The following NXPH1 variants were observed in gnomAD, a reference collection of about 807,000 sequenced individuals.
NXPH1 encodes the protein neurexophilin 1, also known as neurexophilin-1.
NXPH1 carries 5 observed loss-of-function variants against 23.7 expected under a neutral mutation model. The observed-to-expected ratio is 0.21, with a 90% CI of 0.11 to 0.44. NXPH1 has a LOEUF of 0.44. Ranked by LOEUF, NXPH1 falls within the 20% of genes least tolerant of loss-of-function variation. The probability of loss-of-function intolerance (pLI) is 0.99; values close to 1 mark genes in which losing one functional copy is unlikely to be tolerated. For synonymous variants in NXPH1, 144 were observed against 122.2 expected (o/e 1.18, Z -1.18); for missense variants, 324 against 321.6 (o/e 1.01, Z -0.06).
chr7:8,585,445 G>A (rs1371389227), intron 2 of NXPH1, among the ~76,000 whole-genome samples: 1 of 152,116 alleles, frequency 6.6e-6, no homozygotes, highest in East Asian at 1.9e-4. Flanking sequence ...AATTCTTTCA[G>A]TGTAACTTGA....
chr7:8,535,709 TG>T (rs1405208028), intron 2 of NXPH1, among the ~76,000 whole-genome samples: 1 of 151,924 alleles, frequency 6.6e-6, no homozygotes, highest in Non-Finnish European at 1.5e-5. Context: ...AGAGAGTGAC[TG>T]GGGTGTTCTT....
At chr7:8,608,704 A>G (rs1388933824) in intron 2 of NXPH1, among the ~76,000 whole-genome samples, 2 of 152,138 alleles carry the variant, frequency 1.3e-5, no homozygotes, top group African/African-American at 4.8e-5. Context: ...AATAACAGAA[A>G]CTACCCCACC....
At chr7:8,659,681 T>C (rs1820640822) in intron 2 of NXPH1, among the ~76,000 whole-genome samples, 1 of 152,140 alleles carries the variant, frequency 6.6e-6, no homozygotes, top group Non-Finnish European at 1.5e-5. Context: ...TGTGTACATA[T>C]GTAACAAACC....
intron 2 of NXPH1, among the ~76,000 whole-genome samples, chr7:8,634,527 T>C (rs893962325): frequency 3.9e-5 from 6 of 152,200 alleles, no homozygotes; most frequent in Non-Finnish European, 5.9e-5. Flanking sequence ...TGTTTTGTTT[T>C]GCTATCATAC....
rs1373747213 is a variant in NXPH1 at position 8,739,207 on chromosome 7, C to T, written c.55-11801C>T. 1.6e-4 allele frequency among the ~76,000 whole-genome samples: 21 copies of T among 133,030 alleles called. No homozygotes were observed. In the East Asian group the frequency reaches 5.2e-3, roughly 33 times the overall value. 87.3% of individuals were successfully genotyped at this position (133,030 alleles called of 152,430 possible). On this transcript the variant is annotated intron_variant, in intron 2 of 2. Coordinates refer to ENST00000405863, the MANE Select transcript of NXPH1 (RefSeq NM_152745.3). Reference sequence around the variant, plus strand: ...AAAAAAAAAAAAAAAAAAAAAAACCCTGCAGCTAGCTCTTTGTCTGCCCAA... The same window carrying T: ...AAAAAAAAAAAAAAAAAAAAAAACCTTGCAGCTAGCTCTTTGTCTGCCCAA...
At position 8,458,953 on chromosome 7, in the gene NXPH1, T is replaced by C. The variant is rs138556649; in HGVS notation, c.54+23186T>C. Among the ~76,000 whole-genome samples the C allele has an allele frequency of 3.2e-3, 492 of 152,280 alleles. 2 individuals carry two copies. Among genetic ancestry groups the C allele is most frequent in the Non-Finnish European group, 5.2e-3 (352 of 67,972 alleles). On this transcript the variant is annotated intron_variant, in intron 2 of 2. Coordinates refer to ENST00000405863, the MANE Select transcript of NXPH1 (RefSeq NM_152745.3). The stretch of plus-strand genomic sequence containing the variant: ...AGGTTAAGAAGGAGCAAATGACACA[T>C]TCCATTCCTTAAACTAAATTTATAA...
intron 2 of NXPH1, among the ~76,000 whole-genome samples, chr7:8,694,424 T>G (rs1265485993): frequency 2.0e-5 from 3 of 152,178 alleles, no homozygotes; most frequent in Non-Finnish European, 4.4e-5. Flanking sequence ...TGACATTTTT[T>G]GGGAATGGTG....
At chr7:8,452,555 G>A (rs932880151) in intron 2 of NXPH1, among the ~76,000 whole-genome samples, 4 of 152,132 alleles carry the variant, frequency 2.6e-5, no homozygotes, top group African/African-American at 9.7e-5. Flanking sequence ...AACTGTGAAT[G>A]TATGATGCTG....
At chr7:8,478,538 G>A (rs1218667046) in intron 2 of NXPH1, among the ~76,000 whole-genome samples, 4 of 151,950 alleles carry the variant, frequency 2.6e-5, no homozygotes, top group African/African-American at 9.7e-5. Context: ...TCCAACATAA[G>A]TATAATGGAA....
chr7:8,683,233 G>C (rs925474633), intron 2 of NXPH1, among the ~76,000 whole-genome samples: 1 of 152,338 alleles, frequency 6.6e-6, no homozygotes, highest in East Asian at 1.9e-4. Flanking sequence ...TAAATGCATA[G>C]AGCAAGAACT....
intron 2 of NXPH1, among the ~76,000 whole-genome samples, chr7:8,582,000 G>C (rs1481404127): frequency 6.6e-6 from 1 of 152,188 alleles, no homozygotes; most frequent in East Asian, 1.9e-4. Context: ...GGGTGTGTGG[G>C]TGAGCAAGTG....
At chr7:8,538,880 A>T (rs1818067954) in intron 2 of NXPH1, among the ~76,000 whole-genome samples, 1 of 151,940 alleles carries the variant, frequency 6.6e-6, no homozygotes, top group Non-Finnish European at 1.5e-5. Context: ...GAGGCATTTA[A>T]GAGGGTGGGC....
intron 2 of NXPH1, among the ~76,000 whole-genome samples, chr7:8,593,609 A>G (rs1470190521): frequency 6.6e-6 from 1 of 152,096 alleles, no homozygotes; most frequent in African/African-American, 2.4e-5. Flanking sequence ...TCTAAATAAA[A>G]TGAGTAAATA....
intron 2 of NXPH1, among the ~76,000 whole-genome samples, chr7:8,444,127 G>A (rs1217222657): frequency 1.3e-5 from 2 of 152,350 alleles, no homozygotes; most frequent in Admixed American, 6.5e-5. Flanking sequence ...GGGAAGTTCT[G>A]TCCGTTTCTC....
chr7:8,500,636 G>T (rs1817415920), intron 2 of NXPH1, among the ~76,000 whole-genome samples: 1 of 152,176 alleles, frequency 6.6e-6, no homozygotes, highest in South Asian at 2.1e-4. Flanking sequence ...CTCAGGGTTT[G>T]CCTGCTTCTG....
chr7:8,590,591 A>G (rs966889022), intron 2 of NXPH1, among the ~76,000 whole-genome samples: 3 of 152,038 alleles, frequency 2.0e-5, no homozygotes, highest in African/African-American at 7.2e-5. Flanking sequence ...GCATAACTCA[A>G]TCTGTTCATG....
intron 2 of NXPH1, among the ~76,000 whole-genome samples, chr7:8,560,748 G>T (rs1584232570): frequency 6.6e-6 from 1 of 151,658 alleles, no homozygotes; most frequent in African/African-American, 2.4e-5. Flanking sequence ...ATTATGTGCA[G>T]CCACTTTCAG....
At chr7:8,700,805 G>A (rs1403979931) in intron 2 of NXPH1, among the ~76,000 whole-genome samples, 2 of 151,900 alleles carry the variant, frequency 1.3e-5, no homozygotes, top group African/African-American at 4.8e-5. Context: ...TCCTTCCCAT[G>A]TTTTCTCTAT....
At chr7:8,666,184 A>G (rs903173015) in intron 2 of NXPH1, among the ~76,000 whole-genome samples, 1 of 151,958 alleles carries the variant, frequency 6.6e-6, no homozygotes, top group Admixed American at 6.6e-5. Context: ...TGGGCTTGTC[A>G]TATATGGCCT....
Sources: allele counts gnomAD v4.1 joint callset (sites outside exome capture counted in the v4.1 genomes callset), GRCh38; gene constraint gnomAD v4.1.1; transcripts MANE v1.5; gene names NCBI Gene and HGNC (gene_info 2026-07-23, HGNC 2026-07-21).